Variants in COL11A1 observed in about 807,000 individuals in gnomAD.
COL11A1 encodes collagen alpha-1(XI) chain.
COL11A1 carries 74 observed loss-of-function variants against 265.2 expected under a neutral mutation model. The ratio of observed to expected loss-of-function variants is 0.28; its 90% confidence interval spans 0.23 to 0.34. The LOEUF is 0.34. Ranked by LOEUF, COL11A1 falls within the 10% of genes least tolerant of loss-of-function variation. The pLI is 1.00. For missense variants in COL11A1, 2,165 were observed against 2,263.6 expected (o/e 0.96, Z 0.88); for synonymous variants, 816 against 727.6 (o/e 1.12, Z -1.96).
At chr1:102,901,448 G>A (rs1653194797) in intron 54 of COL11A1, among the ~76,000 whole-genome samples, 1 of 151,910 alleles carries the variant, frequency 6.6e-6, no homozygotes, top group Admixed American at 6.6e-5. Context: ...AATCTTGGAT[G>A]TCCCATCCTT....
Position 102,898,929 on chromosome 1 carries a change from T to TA in COL11A1, c.4140+11_4140+12insT. The TA allele has an allele frequency of 1.1e-6, 1 of 929,128 alleles. No individual in the cohort carries two copies. The highest frequency in any genetic ancestry group is 1.5e-6 in the Non-Finnish European group (1 of 675,332). The allele number at this position is 929,128 out of a possible 1,614,324, so 57.6% of individuals were successfully genotyped here. A position where few individuals can be genotyped will look rare whatever the true frequency, so the allele number is the denominator to read the frequency against. ...TATAATATATATTATGTATATATTA[T>TA]TTTTTTTTTACCTTAGCACCTTTTT... On this transcript the variant is annotated intron_variant, in intron 55 of 66. Coordinates refer to ENST00000370096, the MANE Select transcript of COL11A1 (RefSeq NM_001854.4).
chr1:102,889,592 C>CATAAATTT (rs774091003), intron 58 of COL11A1, 30 bp from the exon 59 acceptor site: 64 of 1,447,214 alleles, frequency 4.4e-5, no homozygotes, highest in Non-Finnish European at 6.1e-5. Context: ...AAAATAATAA[C>CATAAATTT]ATGTACATTA....
At chr1:102,931,825 T>G (rs1036165741) in intron 46 of COL11A1, among the ~76,000 whole-genome samples, 7 of 151,690 alleles carry the variant, frequency 4.6e-5, no homozygotes, top group Admixed American at 3.3e-4. Flanking sequence ...CTTGTTGAAT[T>G]GATCCCTTTA....
chr1:103,079,817 A>G (rs1048808214), intron 2 of COL11A1, among the ~76,000 whole-genome samples: 1 of 151,934 alleles, frequency 6.6e-6, no homozygotes, highest in African/African-American at 2.4e-5. Context: ...TATCTAGCCT[A>G]ATATCAAGGC....
At chr1:102,921,456 G>A (rs1570734782) in intron 48 of COL11A1, 62 bp downstream of exon 48, 6 of 1,304,178 alleles carry the variant, frequency 4.6e-6, no homozygotes, top group East Asian at 2.3e-5. Flanking sequence ...AAGAGCATCT[G>A]CTATAAAATA....
rs145342760 is a variant in COL11A1, at chr1:102,914,272, A to AT, written c.3978+79dup. ...TTTGGGAGTTCACTTAGGTTATTAG[A>AT]TTTTTTTTTCTTTATTAACAATACA... On this transcript the variant is annotated intron_variant, in intron 52 of 66. Transcript: ENST00000370096. 10,868 of 1,116,732 alleles carry AT rather than the reference A, an allele frequency of 9.7e-3. 149 individuals carry two copies. The highest frequency in any genetic ancestry group is 0.051 in the African/African-American group (3,301 of 64,652). 69.2% of individuals were successfully genotyped at this position (1,116,732 alleles called of 1,614,324 possible). A position where few individuals can be genotyped will look rare whatever the true frequency, so the allele number is the denominator to read the frequency against.
At position 102,889,535 on chromosome 1, in the gene COL11A1, C is replaced by A; in HGVS notation, c.4384G>T (p.Gly1462Cys). The change falls in exon 59 of 67, where the codon GGT becomes TGT. Residue 1462 changes from glycine (G) to cysteine (C), a missense_variant. By Grantham distance (159) the Gly-to-Cys change is radical. Transcript: ENST00000370096. The part of the protein sequence containing the change: ...KGHPGLIGLI[G>C]PPGEQGEKGD... ...TTTTCCCCTTGTTCTCCTGGAGGAC[C>A]AATCAGGCCAATTAAACCAGGATGT... 1 of 1,613,312 alleles carries A rather than the reference C, an allele frequency of 6.2e-7. No individual in the cohort carries two copies. Among genetic ancestry groups the A allele is most frequent in the Non-Finnish European group, 8.5e-7 (1 of 1,179,690 alleles).
chr1:103,052,135 G>T (rs914426180), intron 4 of COL11A1, among the ~76,000 whole-genome samples: 1 of 99,870 alleles, frequency 1.0e-5, no homozygotes, highest in African/African-American at 2.7e-5. Context: ...CATTTATTCT[G>T]CTATGGCCTT....
At chr1:103,093,226 G>T (rs1216686385) in intron 1 of COL11A1, among the ~76,000 whole-genome samples, 1 of 152,084 alleles carries the variant, frequency 6.6e-6, no homozygotes, top group Non-Finnish European at 1.5e-5. Flanking sequence ...GCAAGGTGAA[G>T]AATCTAAAGC....
intron 30 of COL11A1, among the ~76,000 whole-genome samples, chr1:102,984,667 A>T (rs951977047): frequency 2.6e-5 from 4 of 152,086 alleles, no homozygotes; most frequent in African/African-American, 9.6e-5. Flanking sequence ...TGAGTTACTT[A>T]ACTTTTCTCA....
At chr1:103,065,408 T>A (rs1039293028) in intron 4 of COL11A1, among the ~76,000 whole-genome samples, 23 of 150,244 alleles carry the variant, frequency 1.5e-4, no homozygotes, top group African/African-American at 5.1e-4. Context: ...TAGTCCCAGC[T>A]ACTCAGGAGG....
intron 4 of COL11A1, among the ~76,000 whole-genome samples, chr1:103,034,962 T>G (rs1318526939): frequency 2.0e-5 from 3 of 152,138 alleles, no homozygotes; most frequent in Non-Finnish European, 4.4e-5. Context: ...CAATGAGGTC[T>G]CTGGTTAGGT....
intron 15 of COL11A1, among the ~76,000 whole-genome samples, chr1:103,008,178 A>T (rs1488062547): frequency 6.6e-6 from 1 of 152,200 alleles, no homozygotes; most frequent in Non-Finnish European, 1.5e-5. Flanking sequence ...ACATTTTCAT[A>T]TAGTCTAATA....
At chr1:103,011,523 C>T (rs898391434) in intron 14 of COL11A1, among the ~76,000 whole-genome samples, 12 of 151,582 alleles carry the variant, frequency 7.9e-5, no homozygotes, top group African/African-American at 2.4e-4. Context: ...ATAAAATCTT[C>T]GATAAAATAC....
intron 46 of COL11A1, among the ~76,000 whole-genome samples, chr1:102,933,661 G>T (rs1377316982): frequency 3.3e-5 from 5 of 152,152 alleles, no homozygotes; most frequent in Non-Finnish European, 7.4e-5. Context: ...AAGCAAGCCT[G>T]GGCAATGGCG....
chr1:103,003,037 A>G lies in COL11A1; in HGVS notation c.1998+178T>C, dbSNP rs1665269622. Reference sequence around the variant, plus strand: ...CATGAAAACACTAAGATAGATAATCAAAAGGAAGATAGAAGAAAAGGAGGG... The same window carrying G: ...CATGAAAACACTAAGATAGATAATCGAAAGGAAGATAGAAGAAAAGGAGGG... On this transcript the variant is annotated intron_variant, in intron 21 of 66. Coordinates refer to ENST00000370096, the MANE Select transcript of COL11A1 (RefSeq NM_001854.4). Among the ~76,000 whole-genome samples, 4 of 152,180 alleles carry G rather than the reference A, an allele frequency of 2.6e-5. 1 individual carries two copies. The highest frequency in any genetic ancestry group is 2.0e-4 in the Admixed American group (3 of 15,260).
rs2101572940 is a variant in COL11A1, at chr1:102,962,284, A to T, written c.3025-19T>A. The T allele has an allele frequency of 2.6e-6, 4 of 1,567,546 alleles. No homozygotes were observed. Among genetic ancestry groups the T allele is most frequent in the Non-Finnish European group, 3.5e-6 (4 of 1,137,658 alleles). ...GATCACCCTAAAGAATATAATAAACATCGTCAAGACAGATTAATTTCTACA... is the reference window on the plus strand; with the variant it reads ...GATCACCCTAAAGAATATAATAAACTTCGTCAAGACAGATTAATTTCTACA... On this transcript the variant is annotated intron_variant, in intron 39 of 66. Coordinates refer to ENST00000370096, the MANE Select transcript of COL11A1 (RefSeq NM_001854.4).
intron 5 of COL11A1, among the ~76,000 whole-genome samples, chr1:103,027,537 G>T (rs1667643752): frequency 6.9e-6 from 1 of 144,642 alleles, no homozygotes. Context: ...ATTTTCCAGG[G>T]GCAATCTACA....
In COL11A1 at chr1:102,883,322, G is replaced by A; in HGVS notation, c.4859-11C>T. On this transcript the variant is annotated splice_polypyrimidine_tract_variant and intron_variant, in intron 63 of 66. Coordinates refer to ENST00000370096, the MANE Select transcript of COL11A1 (RefSeq NM_001854.4). ...CAATCCAATATTCACCTAGAAGGTA[G>A]CAAAAAATATGTCATATAAAAATTC... The A allele has an allele frequency of 2.0e-6, 3 of 1,527,728 alleles. No individual in the cohort carries two copies. In the South Asian group the frequency reaches 3.4e-5, roughly 17 times the overall value. The allele number at this position is 1,527,728 out of a possible 1,614,324, so 94.6% of individuals were successfully genotyped here.
Sources: gnomAD v4.1 joint callset for allele counts (sites outside exome capture counted in the v4.1 genomes callset) on GRCh38, gnomAD v4.1.1 for gene constraint, MANE v1.5 for transcripts, NCBI Gene and HGNC (gene_info 2026-07-23, HGNC 2026-07-21) for gene names.